MBD3: variants seen among roughly 807,000 people sequenced by gnomAD.
MBD3 encodes the protein methyl-CpG-binding domain protein 3.
A neutral mutation model predicts 31.2 loss-of-function variants in MBD3; 13 were observed. That is an observed-to-expected ratio of 0.42 (90% confidence interval 0.27 to 0.66). MBD3 has a LOEUF of 0.66. Ranked by LOEUF, MBD3 falls within the 30% of genes least tolerant of loss-of-function variation. The pLI, the probability that MBD3 is intolerant of heterozygous loss-of-function variation, is 0.26. For synonymous variants in MBD3, 223 were observed against 187.4 expected (o/e 1.19, Z -1.55); for missense variants, 440 against 426.5 (o/e 1.03, Z -0.28).
At chr19:1,588,838 C>A (rs1358395047) in intron 1 of MBD3, among the ~76,000 whole-genome samples, 1 of 150,568 alleles carries the variant, frequency 6.6e-6, no homozygotes, top group Admixed American at 6.6e-5. Flanking sequence ...CAGACCACAG[C>A]CTGGTTGTTA....
rs766327925 is a variant in MBD3 at position 1,575,033 on chromosome 19, G to A, written c.*3131C>T. The A allele has an allele frequency of 1.9e-5, 7 of 359,252 alleles. No individual in the cohort carries two copies. Among genetic ancestry groups the A allele is most frequent in the Non-Finnish European group, 3.4e-5 (6 of 177,020 alleles). 22.3% of individuals were successfully genotyped at this position (359,252 alleles called of 1,614,324 possible). On this transcript the variant is annotated 3_prime_UTR_variant, in exon 7 of 7. Coordinates refer to ENST00000434436, the MANE Select transcript of MBD3 (RefSeq NM_001281453.2). Reference sequence around the variant, plus strand: ...GGGCTGGGAGGTGCATCCTCGCCACGGGGGTCCTGAGCCTCTCCTCCCTGG... The same window carrying A: ...GGGCTGGGAGGTGCATCCTCGCCACAGGGGTCCTGAGCCTCTCCTCCCTGG...
chr19:1,590,509 T>C (rs1313251868), intron 1 of MBD3, among the ~76,000 whole-genome samples: 1 of 152,060 alleles, frequency 6.6e-6, no homozygotes, highest in Non-Finnish European at 1.5e-5. Flanking sequence ...TTCCCACTAC[T>C]TGGGAGGCTG....
rs1202326769 is a variant in MBD3, at chr19:1,585,992, A to G, written c.111-778T>C. On this transcript the variant is annotated intron_variant, in intron 1 of 6. Transcript: ENST00000434436. The surrounding 1 kb of genome is among the most constrained non-coding windows in gnomAD (Gnocchi z 4.1). ...CTCCAGGACATAAGGACACCCACCAATGGGTTGCCCTGTGTGTCACATGAG... is the reference window on the plus strand; with the variant it reads ...CTCCAGGACATAAGGACACCCACCAGTGGGTTGCCCTGTGTGTCACATGAG... 1 of 152,262 alleles carries G rather than the reference A, an allele frequency of 6.6e-6. No homozygotes were observed. The highest frequency in any genetic ancestry group is 2.4e-5 in the African/African-American group (1 of 41,426). 9.4% of individuals were successfully genotyped at this position (152,262 alleles called of 1,614,324 possible).
In MBD3 at chr19:1,592,519, C is replaced by T; in HGVS notation, c.110+3G>A. 1 of 1,404,972 alleles carries T rather than the reference C, an allele frequency of 7.1e-7. No individual in the cohort carries two copies. The highest frequency in any genetic ancestry group is 9.5e-7 in the Non-Finnish European group (1 of 1,052,422). 87.0% of individuals were successfully genotyped at this position (1,404,972 alleles called of 1,614,324 possible). ...GCCCTGCGCGGCCGGCGCGCTCATT[C>T]ACCTATAGTAAAAGACATCCCTGTG... On this transcript the variant is annotated splice_donor_region_variant and intron_variant, in intron 1 of 6. Coordinates refer to ENST00000434436, the MANE Select transcript of MBD3 (RefSeq NM_001281453.2).
In MBD3 at chr19:1,585,360, A is replaced by T. The variant is rs1273632802; in HGVS notation, c.111-146T>A. The T allele has an allele frequency of 6.0e-6, 5 of 839,636 alleles. No homozygotes were observed. The highest frequency in any genetic ancestry group is 8.9e-6 in the Non-Finnish European group (5 of 564,104). 52.0% of individuals were successfully genotyped at this position (839,636 alleles called of 1,614,324 possible). A position where few individuals can be genotyped will look rare whatever the true frequency, so the allele number is the denominator to read the frequency against. On this transcript the variant is annotated intron_variant, in intron 1 of 6. Coordinates refer to ENST00000434436, the MANE Select transcript of MBD3 (RefSeq NM_001281453.2). The surrounding 1 kb of genome is among the most constrained non-coding windows in gnomAD (Gnocchi z 4.1). ...CCAACACGGCCCTGACCCCAAACCC[A>T]GGCAGGCCCTGGCCCCAGCCCCAGA...
At chr19:1,584,405 C>T (rs906107376) in intron 3 of MBD3, 135 bp downstream of exon 3, 19 of 1,339,692 alleles carry the variant, frequency 1.4e-5, no homozygotes, top group Non-Finnish European at 1.9e-5. Flanking sequence ...TTTTTTGCCT[C>T]GTCATGTTGC....
intron 1 of MBD3, among the ~76,000 whole-genome samples, chr19:1,587,789 TTA>T (rs1231034317): frequency 6.6e-6 from 1 of 152,182 alleles, no homozygotes; most frequent in Non-Finnish European, 1.5e-5. Flanking sequence ...CTCAAACATA[TTA>T]TGTCTACAAA....
chr19:1,584,970 CTG>C, intron 2 of MBD3, 83 bp downstream of exon 2: 4 of 1,561,114 alleles, frequency 2.6e-6, no homozygotes, highest in Non-Finnish European at 3.5e-6. Flanking sequence ...GGACGCCGGG[CTG>C]TGTCGCCTGC....
chr19:1,582,981 A>C (rs1362477776), intron 3 of MBD3, among the ~76,000 whole-genome samples: 1 of 152,156 alleles, frequency 6.6e-6, no homozygotes, highest in Non-Finnish European at 1.5e-5. Context: ...AAGTGGGTGG[A>C]TCACCTGAGG....
At chr19:1,586,482 G>A (rs1458345752) in intron 1 of MBD3, 1 of 152,436 alleles carries the variant, frequency 6.6e-6, no homozygotes, top group East Asian at 1.9e-4. Context: ...GCAGGATGTG[G>A]AGTGGCTGCT....
Position 1,578,297 on chromosome 19 carries a change from G to C in MBD3, c.*5+38C>G. 6.3e-7 allele frequency: 1 copy of C among 1,599,344 alleles called. No individual in the cohort carries two copies. The highest frequency in any genetic ancestry group is 1.1e-5 in the South Asian group (1 of 90,968). ...GTTCACCAGGCAGTCCCCACTGCCAGGACCCGACTCCAGGGAGCCCCCGTG... is the reference window on the plus strand; with the variant it reads ...GTTCACCAGGCAGTCCCCACTGCCACGACCCGACTCCAGGGAGCCCCCGTG... On this transcript the variant is annotated intron_variant, in intron 6 of 6. Transcript: ENST00000434436. The surrounding 1 kb of genome is among the most constrained non-coding windows in gnomAD (Gnocchi z 6.1).
At position 1,582,635 on chromosome 19, in the gene MBD3, G is replaced by A. The variant is rs772314820; in HGVS notation, c.486C>T (p.Pro162=). The stretch of plus-strand genomic sequence containing the variant: ...GTGCCCGCTCACCCTGCAGGCCCTT[G>A]GGGAGGTCCATGGTCTTGACCAGCT... ...AEELVKTMDL[P]KGLQGVGPGC... The change falls in exon 4 of 7, where the codon CCC becomes CCT. Residue 162 remains proline, a synonymous_variant. Coordinates refer to ENST00000434436, the MANE Select transcript of MBD3 (RefSeq NM_001281453.2). The A allele has an allele frequency of 1.2e-6, 2 of 1,613,662 alleles. No homozygotes were observed. Among genetic ancestry groups the A allele is most frequent in the East Asian group, 4.5e-5 (2 of 44,896 alleles).
intron 3 of MBD3, 151 bp from the exon 4 acceptor site, chr19:1,582,863 CCCTG>C (rs2060659716): frequency 1.4e-6 from 1 of 694,558 alleles, no homozygotes; most frequent in Non-Finnish European, 2.6e-6. Context: ...GGTCTCCAGA[CCCTG>C]CCCAGGCTTT....
intron 3 of MBD3, among the ~76,000 whole-genome samples, chr19:1,583,098 G>A (rs1218415924): frequency 6.6e-6 from 1 of 151,850 alleles, no homozygotes; most frequent in Admixed American, 6.6e-5. Flanking sequence ...CAGCTACTTG[G>A]GAGGCTGAGG....
chr19:1,578,659 G>C lies in MBD3; in HGVS notation c.678-121C>G. 1 of 1,583,576 alleles carries C rather than the reference G, an allele frequency of 6.3e-7. No homozygotes were observed. Among genetic ancestry groups the C allele is most frequent in the Non-Finnish European group, 8.6e-7 (1 of 1,168,190 alleles). ...CGAGGGATCCACAGGCACCCCCCCA[G>C]GACCAGCCCTGGCCCGTGCCACCCC... On this transcript the variant is annotated intron_variant, in intron 5 of 6. Transcript: ENST00000434436. This position sits in a 1 kb window ranked among gnomAD's most constrained non-coding sequence, Gnocchi z 6.1.
rs1296524230 is a variant in MBD3 at position 1,578,857 on chromosome 19, C to T, written c.678-319G>A. Among the ~76,000 whole-genome samples, 1 of 152,160 alleles carries T rather than the reference C, an allele frequency of 6.6e-6. No homozygotes were observed. The highest frequency in any genetic ancestry group is 6.5e-5 in the Admixed American group (1 of 15,280). ...CGGGGCTCAGCTGTGTAAACCCTTG[C>T]TCCTGTCCCTTGACAGGCACTGAGT... On this transcript the variant is annotated intron_variant, in intron 5 of 6. Coordinates refer to ENST00000434436, the MANE Select transcript of MBD3 (RefSeq NM_001281453.2). This position sits in a 1 kb window ranked among gnomAD's most constrained non-coding sequence, Gnocchi z 6.1.
intron 4 of MBD3, 107 bp downstream of exon 4, chr19:1,582,515 C>G: frequency 9.0e-7 from 1 of 1,117,188 alleles, no homozygotes; most frequent in East Asian, 2.6e-5. Context: ...GCCCTAAGCA[C>G]CCAAAGCAGG....
rs1386993663 is a variant in MBD3 at position 1,576,950 on chromosome 19, A to G, written c.*1214T>C. The G allele has an allele frequency of 6.6e-6, 1 of 152,310 alleles. No individual in the cohort carries two copies. The highest frequency in any genetic ancestry group is 1.5e-5 in the Non-Finnish European group (1 of 68,086). The allele number at this position is 152,310 out of a possible 1,614,324, so 9.4% of individuals were successfully genotyped here. A position where few individuals can be genotyped will look rare whatever the true frequency, so the allele number is the denominator to read the frequency against. ...CGGGTCCTTGGAGGGCAGACGGTGG[A>G]GCGGCGCTTCCTCAGCTCCCGCGGT... On this transcript the variant is annotated 3_prime_UTR_variant, in exon 7 of 7. Coordinates refer to ENST00000434436, the MANE Select transcript of MBD3 (RefSeq NM_001281453.2).
At position 1,585,361 on chromosome 19, in the gene MBD3, G is replaced by T; in HGVS notation, c.111-147C>A. ...CAACACGGCCCTGACCCCAAACCCA[G>T]GCAGGCCCTGGCCCCAGCCCCAGAC... On this transcript the variant is annotated intron_variant, in intron 1 of 6. Transcript: ENST00000434436. This position sits in a 1 kb window ranked among gnomAD's most constrained non-coding sequence, Gnocchi z 4.1. The T allele has an allele frequency of 1.2e-6, 1 of 833,456 alleles. No individual in the cohort carries two copies. The highest frequency in any genetic ancestry group is 1.8e-6 in the Non-Finnish European group (1 of 545,434). The allele number at this position is 833,456 out of a possible 1,614,324, so 51.6% of individuals were successfully genotyped here. A position where few individuals can be genotyped will look rare whatever the true frequency, so the allele number is the denominator to read the frequency against.
Sources: gnomAD v4.1 joint callset for allele counts (sites outside exome capture counted in the v4.1 genomes callset) on GRCh38, gnomAD v4.1.1 for gene constraint, Gnocchi (gnomAD v3.1) non-coding constraint, MANE v1.5 for transcripts, NCBI Gene and HGNC (gene_info 2026-07-23, HGNC 2026-07-21) for gene names.